The following REM1 variants were observed in gnomAD, a reference collection of about 807,000 sequenced individuals.
The protein encoded by REM1 is RRAD and GEM like GTPase 1, also known as GTP-binding protein REM 1.
REM1 carries 20 observed loss-of-function variants against 27.0 expected under a neutral mutation model. The observed-to-expected ratio is 0.74, with a 90% confidence interval of 0.52 to 1.08. The LOEUF is 1.08. Among genes scored for constraint, REM1 ranks in the 50% least tolerant of loss-of-function variants. The pLI is 0.00. For missense variants in REM1, 405 were observed against 407.0 expected, an observed-to-expected ratio of 1.00 and a Z score of 0.04; for synonymous variants, 159 against 167.9, an observed-to-expected ratio of 0.95 and a Z score of 0.41.
intron 4 of REM1, among the ~76,000 whole-genome samples, chr20:31,483,038 G>A (rs1002571379): frequency 9.9e-5 from 15 of 152,056 alleles, no homozygotes; most frequent in Non-Finnish European, 1.8e-4. Context: ...AGTGGCTCAC[G>A]CCTGTAATCC....
Position 31,476,577 on chromosome 20 carries a change from C to G in REM1, c.132C>G (p.Pro44=), listed in dbSNP as rs1184638747. The G allele has an allele frequency of 1.9e-6, 3 of 1,614,056 alleles. No homozygotes were observed. In the African/African-American group the frequency reaches 4.0e-5, roughly 22 times the overall value. ...TGCCTTCCACTCAATCCCAGCATCC[C>G]CGGCTGGGCCAATCAGCCTCCCTCA... is the stretch of plus-strand genomic sequence containing the variant. ...STVPSTQSQH[P]RLGQSASLNP... Residue 44 remains proline, a synonymous_variant, in exon 2 of 5, where the codon CCC becomes CCG. Transcript: ENST00000201979.
In REM1 at chr20:31,476,212, T is replaced by C. The variant is rs970779954; in HGVS notation, c.-219-15T>C. On this transcript the variant is annotated splice_polypyrimidine_tract_variant and intron_variant, in intron 1 of 4. Transcript: ENST00000201979. Reference sequence around the variant, plus strand: ...GTTCACAGCCTGCACACTCACTCCTTCCATCCGGATCCAGGTTTATGCAGA... The same window carrying C: ...GTTCACAGCCTGCACACTCACTCCTCCCATCCGGATCCAGGTTTATGCAGA... The C allele has an allele frequency of 4.6e-5, 24 of 524,348 alleles. No homozygotes were observed. The highest frequency in any genetic ancestry group is 7.7e-5 in the Non-Finnish European group (23 of 299,702). 32.5% of individuals were successfully genotyped at this position (524,348 alleles called of 1,614,324 possible). A position where few individuals can be genotyped will look rare whatever the true frequency, so the allele number is the denominator to read the frequency against.
intron 4 of REM1, among the ~76,000 whole-genome samples, chr20:31,482,734 T>C (rs1224930710): frequency 6.6e-6 from 1 of 152,222 alleles, no homozygotes; most frequent in Non-Finnish European, 1.5e-5. Flanking sequence ...GTCTCTGTGC[T>C]ATCCTGGCAT....
chr20:31,483,654 T>C (rs1168258172), intron 4 of REM1, among the ~76,000 whole-genome samples: 1 of 151,704 alleles, frequency 6.6e-6, no homozygotes, highest in Non-Finnish European at 1.5e-5. Flanking sequence ...TCTAAAAAAA[T>C]GTGTAAACTG....
chr20:31,479,563 C>T (rs991183510), intron 3 of REM1, among the ~76,000 whole-genome samples: 2 of 152,134 alleles, frequency 1.3e-5, no homozygotes, highest in Non-Finnish European at 2.9e-5. Context: ...TTTATTTTTG[C>T]AACCAGCAAA....
chr20:31,484,717 C>A lies in REM1; in HGVS notation c.*287C>A. 1 of 429,610 alleles carries A rather than the reference C, an allele frequency of 2.3e-6. No homozygotes were observed. Among genetic ancestry groups the A allele is most frequent in the Non-Finnish European group, 4.1e-6 (1 of 243,606 alleles). 26.6% of individuals were successfully genotyped at this position (429,610 alleles called of 1,614,324 possible). A position where few individuals can be genotyped will look rare whatever the true frequency, so the allele number is the denominator to read the frequency against. On this transcript the variant is annotated 3_prime_UTR_variant, in exon 5 of 5. Coordinates refer to ENST00000201979, the MANE Select transcript of REM1 (RefSeq NM_014012.6). ...TCCTTGTCCCTGGGCTCTGGCCAAC[C>A]CTCAGAAACCCTCACAATAAACCAG...
intron 3 of REM1, among the ~76,000 whole-genome samples, chr20:31,478,996 A>C (rs1260387428): frequency 6.6e-6 from 1 of 152,022 alleles, no homozygotes; most frequent in Non-Finnish European, 1.5e-5. Context: ...CACCATGCCC[A>C]GCTAATTTTT....
At chr20:31,479,735 G>A (rs1033666325) in intron 3 of REM1, among the ~76,000 whole-genome samples, 3 of 152,100 alleles carry the variant, frequency 2.0e-5, no homozygotes, top group African/African-American at 7.2e-5. Flanking sequence ...GAATTGGATG[G>A]GCCTTAGGAC....
At chr20:31,480,333 C>CT (rs953903151) in intron 3 of REM1, among the ~76,000 whole-genome samples, 15 of 151,672 alleles carry the variant, frequency 9.9e-5, no homozygotes, top group African/African-American at 2.9e-4. Flanking sequence ...TATTTCTTTT[C>CT]TTTTTTTTGA....
chr20:31,480,234 GATACATACATACACAC>G (rs1202136449), intron 3 of REM1, among the ~76,000 whole-genome samples: 9,243 of 138,228 alleles, frequency 0.067, 417 homozygotes, highest in African/African-American at 0.13. Context: ...TAGATAGACA[GATACATACATACACAC>G]ATACATACAT....
At chr20:31,479,043 C>T (rs754796172) in intron 3 of REM1, among the ~76,000 whole-genome samples, 3 of 152,124 alleles carry the variant, frequency 2.0e-5, no homozygotes, top group Non-Finnish European at 4.4e-5. Flanking sequence ...TCATGTTGGT[C>T]AGGATAGTCT....
chr20:31,483,783 A>C (rs1980813356), intron 4 of REM1, among the ~76,000 whole-genome samples: 1 of 151,904 alleles, frequency 6.6e-6, no homozygotes, highest in East Asian at 1.9e-4. Context: ...CCAAAAAAAA[A>C]AAAAAAAAAA....
chr20:31,481,587 G>A (rs1980737054), intron 3 of REM1, among the ~76,000 whole-genome samples: 1 of 152,046 alleles, frequency 6.6e-6, no homozygotes, highest in African/African-American at 2.4e-5. Context: ...GCTTTTGGAG[G>A]GCAGAAACCG....
chr20:31,478,344 C>T (rs1980600107), intron 3 of REM1, among the ~76,000 whole-genome samples: 1 of 152,172 alleles, frequency 6.6e-6, no homozygotes, highest in African/African-American at 2.4e-5. Context: ...AATGGGTTAA[C>T]CATTCCTGCC....
chr20:31,477,167 A>C (rs537946845), intron 2 of REM1, among the ~76,000 whole-genome samples: 46 of 152,198 alleles, frequency 3.0e-4, no homozygotes, highest in Middle Eastern at 3.4e-3. Context: ...CCAGTCCCAT[A>C]GACACCCATC....
intron 3 of REM1, 45 bp downstream of exon 3, chr20:31,477,955 A>C: frequency 1.7e-6 from 2 of 1,211,892 alleles, no homozygotes; most frequent in South Asian, 1.3e-5. Context: ...TGCTGAGCCT[A>C]ATACTAGACT....
In REM1 at chr20:31,484,133, C is replaced by G. The variant is rs770683698; in HGVS notation, c.626-26C>G. The G allele has an allele frequency of 2.6e-6, 4 of 1,549,536 alleles. No homozygotes were observed. The East Asian group carries it at 7.0e-5, about 27-fold the overall frequency. On this transcript the variant is annotated intron_variant, in intron 4 of 4. Coordinates refer to ENST00000201979, the MANE Select transcript of REM1 (RefSeq NM_014012.6). ...TCCGCCTTCCGTTATGGCTCCACCC[C>G]TCCTCGCCGGGCCCCGCCCCCTTAG...
At chr20:31,476,846 GAC>G in intron 2 of REM1, 61 bp downstream of exon 2, 3 of 1,392,570 alleles carry the variant, frequency 2.2e-6, no homozygotes, top group Non-Finnish European at 2.9e-6. Context: ...TGTCACCAGG[GAC>G]ACAGGGCTGC....
rs538311591 is a variant in REM1 at position 31,475,769 on chromosome 20, C to T, written c.-220+403C>T. ...GCTCCTGAATTTTTCACACAGGGGG[C>T]GGGTCAGACACGCGGTTCCCATGGC... is the stretch of plus-strand genomic sequence containing the variant. On this transcript the variant is annotated intron_variant, in intron 1 of 4. Coordinates refer to ENST00000201979, the MANE Select transcript of REM1 (RefSeq NM_014012.6). The surrounding 1 kb of genome is among the most constrained non-coding windows in gnomAD (Gnocchi z 5.0). Among the ~76,000 whole-genome samples, 126 of 152,318 alleles carry T rather than the reference C, an allele frequency of 8.3e-4. No homozygotes were observed. Among genetic ancestry groups the T allele is most frequent in the Admixed American group, 3.5e-3 (54 of 15,302 alleles).
Sources: gnomAD v4.1 joint callset for allele counts (sites outside exome capture counted in the v4.1 genomes callset) on GRCh38, gnomAD v4.1.1 for gene constraint, Gnocchi (gnomAD v3.1) non-coding constraint, MANE v1.5 for transcripts, NCBI Gene and HGNC (gene_info 2026-07-23, HGNC 2026-07-21) for gene names.